INCENP: variants seen among roughly 807,000 people sequenced by gnomAD.
The protein encoded by INCENP is binds and activates aurora-B and -C in vivo and in vitro.
A neutral mutation model predicts 107.3 loss-of-function variants in INCENP; 43 were observed. The observed-to-expected ratio is 0.40, with a 90% CI of 0.31 to 0.52. INCENP has a LOEUF of 0.52. Among genes scored for constraint, INCENP ranks in the 20% least tolerant of loss-of-function variants. The pLI is 0.53. For synonymous variants in INCENP, 488 were observed against 494.4 expected, an observed-to-expected ratio of 0.99 and a Z score of 0.17; for missense variants, 1,089 against 1,250.9, an observed-to-expected ratio of 0.87 and a Z score of 1.95.
chr11:62,144,887 G>A (rs1944203603), intron 11 of INCENP, 95 bp from the exon 12 acceptor site: 5 of 1,097,178 alleles, frequency 4.6e-6, no homozygotes, highest in African/African-American at 1.5e-5. Flanking sequence ...CCACCCACGT[G>A]GCTGCAGGCT....
intron 18 of INCENP, 45 bp from the exon 19 acceptor site, chr11:62,151,717 T>G: frequency 1.9e-6 from 3 of 1,545,516 alleles, no homozygotes; most frequent in Non-Finnish European, 2.7e-6. Flanking sequence ...ATGGGGAGGT[T>G]CATGGAGAGC....
chr11:62,127,434 T>C (rs1943776556), intron 1 of INCENP, among the ~76,000 whole-genome samples: 2 of 152,206 alleles, frequency 1.3e-5, no homozygotes, highest in African/African-American at 4.8e-5. Flanking sequence ...TGTAGGCAAG[T>C]TTTCTTAAAA....
chr11:62,127,395 T>C (rs1169730255), intron 1 of INCENP, among the ~76,000 whole-genome samples: 2 of 152,218 alleles, frequency 1.3e-5, no homozygotes, highest in African/African-American at 4.8e-5. Context: ...GAGAAAAAAC[T>C]GTTTTTGTGT....
intron 17 of INCENP, among the ~76,000 whole-genome samples, 157 bp from the exon 18 acceptor site, chr11:62,149,900 C>T (rs1343142872): frequency 4.0e-5 from 6 of 151,888 alleles, no homozygotes; most frequent in Non-Finnish European, 4.4e-5. Flanking sequence ...CCAGCCTGGG[C>T]GACAGTGAGA....
At position 62,150,332 on chromosome 11, in the gene INCENP, C is replaced by T. The variant is rs551768961; in HGVS notation, c.2542+125C>T. On this transcript the variant is annotated intron_variant, in intron 18 of 18. Transcript: ENST00000394818. The stretch of plus-strand genomic sequence containing the variant: ...CTGCCGTGTGCTTCAGTTGGCAGTT[C>T]GAGGCTCTAGCCTTGGGTATGCATG... The T allele has an allele frequency of 1.4e-4, 137 of 1,006,748 alleles. No homozygotes were observed. In the African/African-American group the frequency reaches 1.8e-3, roughly 13 times the overall value. The allele number at this position is 1,006,748 out of a possible 1,614,324, so 62.4% of individuals were successfully genotyped here. A position where few individuals can be genotyped will look rare whatever the true frequency, so the allele number is the denominator to read the frequency against.
chr11:62,139,041 A>AG lies in INCENP; in HGVS notation c.1291+37dup, dbSNP rs753158827. ...CTGACCTGCCGTGTGCAGTGCCCGG[A>AG]GCCACAGCGGGCCTTGGCGGCCTCG... is the stretch of plus-strand genomic sequence containing the variant. On this transcript the variant is annotated intron_variant, in intron 7 of 18. Transcript: ENST00000394818. 9 of 1,484,816 alleles carry AG rather than the reference A, an allele frequency of 6.1e-6. No homozygotes were observed. In the East Asian group the frequency reaches 2.0e-4, roughly 34 times the overall value. The allele number at this position is 1,484,816 out of a possible 1,614,324, so 92.0% of individuals were successfully genotyped here.
In INCENP at chr11:62,141,026, C is replaced by T; in HGVS notation, c.1575C>T (p.Pro525=). ...AGTCCTTTATTAAGCGCAACACTCC[C>T]CTGCGCATGGACCCCAAGGTGAGGG... The part of the protein sequence containing the change: ...VMKSFIKRNT[P]LRMDPKCSFV... Residue 525 remains proline (P), a synonymous_variant, in exon 10 of 19, where the codon CCC becomes CCT. Coordinates refer to ENST00000394818, the MANE Select transcript of INCENP (RefSeq NM_001040694.2). The T allele has an allele frequency of 6.2e-7, 1 of 1,613,838 alleles. No individual in the cohort carries two copies. Among genetic ancestry groups the T allele is most frequent in the Non-Finnish European group, 8.5e-7 (1 of 1,179,888 alleles).
rs371591320 is a variant in INCENP at position 62,146,856 on chromosome 11, G to A, written c.2158G>A (p.Ala720Thr). Residue 720 changes from alanine to threonine, a missense_variant, in exon 15 of 19, where the codon GCA becomes ACA. Coordinates refer to ENST00000394818, the MANE Select transcript of INCENP (RefSeq NM_001040694.2). Reference protein sequence around the residue: ...QERREQERQLAEQERRREQER... With the variant: ...QERREQERQLTEQERRREQER... ...GCGGCGCGAGCAGGAGCGACAGCTG[G>A]CAGAGCAGGAGCGTCGGCGGGAGCA... The A allele has an allele frequency of 3.0e-5, 47 of 1,581,386 alleles. No individual in the cohort carries two copies. The African/African-American group carries it at 6.0e-4, about 20-fold the overall frequency.
chr11:62,138,995 A>T lies in INCENP; in HGVS notation c.1281A>T (p.Ala427=), dbSNP rs539416535. Residue 427 remains alanine, a synonymous_variant, in exon 7 of 19, where the codon GCA becomes GCT. Transcript: ENST00000394818. ...CCAGCAGCCCGGAAACACCCTCTGCAGGGCAGCAAGGTGAGGCTTCCTGAC... is the reference window on the plus strand; with the variant it reads ...CCAGCAGCCCGGAAACACCCTCTGCTGGGCAGCAAGGTGAGGCTTCCTGAC... ...PAASSPETPS[A]GQQEAKTDQA... The T allele has an allele frequency of 6.2e-7, 1 of 1,612,892 alleles. No individual in the cohort carries two copies. Among genetic ancestry groups the T allele is most frequent in the African/African-American group, 1.3e-5 (1 of 74,920 alleles).
intron 4 of INCENP, among the ~76,000 whole-genome samples, chr11:62,136,282 A>G (rs932891632): frequency 2.0e-5 from 3 of 152,214 alleles, no homozygotes; most frequent in African/African-American, 7.2e-5. Context: ...CTTAGAGACG[A>G]GCGCTTTTCA....
At chr11:62,145,140 G>A (rs762062819) in intron 12 of INCENP, 29 bp from the exon 13 acceptor site, 1 of 1,614,050 alleles carries the variant, frequency 6.2e-7, no homozygotes, top group Non-Finnish European at 8.5e-7. Context: ...CCTTGGTGGG[G>A]CTCCCCATGA....
chr11:62,137,210 C>T (rs973612004), intron 4 of INCENP, among the ~76,000 whole-genome samples: 5 of 152,098 alleles, frequency 3.3e-5, no homozygotes, highest in Admixed American at 6.6e-5. Context: ...AAAAATTAGC[C>T]GGAAGTCGCT....
At chr11:62,146,578 G>T (rs1337608076) in intron 14 of INCENP, 80 bp from the exon 15 acceptor site, 1 of 1,524,056 alleles carries the variant, frequency 6.6e-7, no homozygotes, top group African/African-American at 1.4e-5. Flanking sequence ...GGGGCACCTG[G>T]GCTTCGGGGG....
At chr11:62,126,978 T>C in intron 1 of INCENP, among the ~76,000 whole-genome samples, 1 of 152,252 alleles carries the variant, frequency 6.6e-6, no homozygotes, top group Non-Finnish European at 1.5e-5. Flanking sequence ...CTCACAGATA[T>C]GGAGGGCTGA....
chr11:62,141,109 G>C (rs1944111953), intron 10 of INCENP, 65 bp downstream of exon 10: 1 of 1,555,538 alleles, frequency 6.4e-7, no homozygotes, highest in African/African-American at 1.4e-5. Flanking sequence ...GGTCCAGTCT[G>C]TCCTGTAAGA....
intron 4 of INCENP, among the ~76,000 whole-genome samples, chr11:62,137,320 T>A (rs1035601949): frequency 2.6e-5 from 4 of 152,056 alleles, no homozygotes; most frequent in Admixed American, 1.3e-4. Context: ...AGAAAAAAAA[T>A]TTCTCTGCTC....
chr11:62,151,741 C>G, intron 18 of INCENP, 21 bp from the exon 19 acceptor site: 1 of 1,606,902 alleles, frequency 6.2e-7, no homozygotes, highest in Non-Finnish European at 8.5e-7. Context: ...AAGGCAGTGT[C>G]TGGTCTGTGG....
chr11:62,135,177 T>A (rs1303059293), intron 4 of INCENP, among the ~76,000 whole-genome samples: 1 of 152,216 alleles, frequency 6.6e-6, no homozygotes, highest in African/African-American at 2.4e-5. Context: ...GCGCAAGAAG[T>A]GGTAGTTCTT....
chr11:62,147,538 A>G (rs931882006), intron 15 of INCENP, among the ~76,000 whole-genome samples: 3 of 152,352 alleles, frequency 2.0e-5, no homozygotes, highest in African/African-American at 7.2e-5. Context: ...ACTGTTGGTC[A>G]GGAGATACAT....
Sources: allele counts gnomAD v4.1 joint callset (sites outside exome capture counted in the v4.1 genomes callset), GRCh38; gene constraint gnomAD v4.1.1; transcripts MANE v1.5; gene names NCBI Gene and HGNC (gene_info 2026-07-23, HGNC 2026-07-21).